Variants in ROBO2 observed in about 807,000 individuals in gnomAD.
The protein encoded by ROBO2 is roundabout homolog 2.
In ROBO2, 53 loss-of-function variants were observed where a neutral mutation model predicts 160.8. The observed-to-expected ratio is 0.33, with a 90% CI of 0.26 to 0.41. ROBO2 has a LOEUF of 0.41. ROBO2 is among the 10% of genes least tolerant of loss of function. The pLI, the probability that ROBO2 is intolerant of heterozygous loss-of-function variation, is 1.00. For missense variants in ROBO2, 1,577 were observed against 1,722.4 expected (o/e 0.92, Z 1.49); for synonymous variants, 664 against 611.7 (o/e 1.09, Z -1.26).
rs538311207 is a variant in ROBO2 at position 76,447,511 on chromosome 3, A to G, written c.109+509909A>G. 2.0e-5 allele frequency among the ~76,000 whole-genome samples: 3 copies of G among 149,090 alleles called. No individual in the cohort carries two copies. In the Admixed American group the frequency reaches 2.0e-4, roughly 10 times the overall value. On this transcript the variant is annotated intron_variant, in intron 2 of 26. Transcript: ENST00000487694. Reference sequence around the variant, plus strand: ...ATTCCTCAGGGATCTAGAACTAGAAATACCATTTGACCCAGCCATCCCATT... The same window carrying G: ...ATTCCTCAGGGATCTAGAACTAGAAGTACCATTTGACCCAGCCATCCCATT...
intron 1 of ROBO2, among the ~76,000 whole-genome samples, chr3:77,043,649 A>AT (rs2064322402): frequency 2.0e-5 from 3 of 152,154 alleles, no homozygotes; most frequent in African/African-American, 7.2e-5. Flanking sequence ...TGTTAAGGTT[A>AT]GCCTTTGTTT....
chr3:77,317,379 GGGTTCCAT>G, intron 2 of ROBO2: 1 of 1,025,664 alleles, frequency 9.7e-7, no homozygotes, highest in South Asian at 1.3e-5. Context: ...TGTATTGTCG[GGGTTCCAT>G]TTCTCCGTAG....
chr3:77,189,787 G>T (rs1182947113), intron 2 of ROBO2, among the ~76,000 whole-genome samples: 2 of 151,810 alleles, frequency 1.3e-5, no homozygotes, highest in African/African-American at 4.8e-5. Flanking sequence ...AATATTTATT[G>T]AATGCTTTCT....
chr3:76,038,452 C>A (rs1452694644), intron 2 of ROBO2, among the ~76,000 whole-genome samples: 1 of 151,896 alleles, frequency 6.6e-6, no homozygotes, highest in East Asian at 1.9e-4. Context: ...ATGATGGGTG[C>A]TGTGATTACT....
intron 7 of ROBO2, 143 bp from the exon 9 acceptor site, chr3:77,550,675 G>A (rs2092886311): frequency 4.8e-6 from 4 of 832,576 alleles, no homozygotes; most frequent in South Asian, 4.7e-5. Context: ...CCACTGTGTG[G>A]CATTTAAACA....
intron 6 of ROBO2, among the ~76,000 whole-genome samples, chr3:77,527,076 G>A (rs955101302): frequency 1.3e-5 from 2 of 151,310 alleles, no homozygotes; most frequent in African/African-American, 4.8e-5. Flanking sequence ...TATTCATCAG[G>A]TTTTTAACTT....
chr3:76,343,295 T>C (rs1460837750), intron 2 of ROBO2, among the ~76,000 whole-genome samples: 1 of 152,066 alleles, frequency 6.6e-6, no homozygotes, highest in East Asian at 1.9e-4. Context: ...AATTCTTCCA[T>C]TTTTGTTTGC....
intron 2 of ROBO2, among the ~76,000 whole-genome samples, chr3:76,842,320 C>A (rs1370387819): frequency 1.3e-5 from 2 of 152,148 alleles, no homozygotes; most frequent in Non-Finnish European, 2.9e-5. Flanking sequence ...AGGCACTGTG[C>A]TGACTTTTCA....
chr3:76,622,226 G>A (rs1560251651), intron 2 of ROBO2, among the ~76,000 whole-genome samples: 26 of 54,330 alleles, frequency 4.8e-4, no homozygotes, highest in African/African-American at 2.0e-3. Flanking sequence ...AAGGAAGGAA[G>A]GAAGGAAGGA....
chr3:77,377,987 T>C (rs900471440), intron 2 of ROBO2, among the ~76,000 whole-genome samples: 1 of 152,190 alleles, frequency 6.6e-6, no homozygotes, highest in African/African-American at 2.4e-5. Context: ...AGTTTCCTCT[T>C]TGCAGTAATT....
chr3:76,773,378 A>T (rs1462716620), intron 2 of ROBO2, among the ~76,000 whole-genome samples: 2 of 150,618 alleles, frequency 1.3e-5, no homozygotes, highest in Non-Finnish European at 3.0e-5. Flanking sequence ...TATTGTACAG[A>T]TATGTTTTAT....
At chr3:76,733,001 G>GGGGGGGGGGT in intron 2 of ROBO2, among the ~76,000 whole-genome samples, 1 of 139,546 alleles carries the variant, frequency 7.2e-6, no homozygotes, top group Non-Finnish European at 1.6e-5. Flanking sequence ...GGGTGGGGGG[G>GGGGGGGGGGT]GGAGGTGTTT....
At chr3:76,061,097 T>A (rs1040696855) in intron 2 of ROBO2, among the ~76,000 whole-genome samples, 1 of 152,164 alleles carries the variant, frequency 6.6e-6, no homozygotes, top group Non-Finnish European at 1.5e-5. Flanking sequence ...TTCTTCTTTA[T>A]AAAGATTGCA....
chr3:76,388,463 G>A (rs1269791762), intron 2 of ROBO2, among the ~76,000 whole-genome samples: 1 of 151,966 alleles, frequency 6.6e-6, no homozygotes, highest in Non-Finnish European at 1.5e-5. Context: ...AGTAGAGACG[G>A]GGTTCCACCG....
intron 2 of ROBO2, among the ~76,000 whole-genome samples, chr3:76,360,503 C>G (rs2075446106): frequency 6.6e-6 from 1 of 152,050 alleles, no homozygotes; most frequent in Admixed American, 6.6e-5. Context: ...ATTCCTATAA[C>G]AAAGAAGTTA....
intron 23 of ROBO2, chr3:77,633,824 T>A (rs2153715063): frequency 6.6e-6 from 1 of 152,364 alleles, no homozygotes; most frequent in South Asian, 2.1e-4. Flanking sequence ...AAACTTTATG[T>A]TGCTTGAGTG....
intron 2 of ROBO2, among the ~76,000 whole-genome samples, chr3:76,381,825 T>C (rs1476279621): frequency 3.3e-5 from 5 of 152,166 alleles, no homozygotes; most frequent in East Asian, 1.9e-4. Context: ...TTGCGCCTTA[T>C]GTGTCACTGC....
intron 2 of ROBO2, among the ~76,000 whole-genome samples, chr3:77,229,501 TA>T (rs199931231): frequency 2.7e-5 from 4 of 150,198 alleles, no homozygotes; most frequent in African/African-American, 7.3e-5. Flanking sequence ...TACTAAAAAT[TA>T]AAAAAAAATA....
intron 2 of ROBO2, among the ~76,000 whole-genome samples, chr3:76,447,369 G>A (rs4293709): frequency 0.5 from 74,465 of 150,428 alleles, 18,692 homozygotes; most frequent in South Asian, 0.6. Context: ...TTAGAATGGC[G>A]ATCATTAAAA....
Sources: allele counts gnomAD v4.1 joint callset (sites outside exome capture counted in the v4.1 genomes callset), GRCh38; gene constraint gnomAD v4.1.1; transcripts MANE v1.5; gene names NCBI Gene and HGNC (gene_info 2026-07-23, HGNC 2026-07-21).